Variants in DISP1 observed in about 807,000 individuals in gnomAD.
DISP1 encodes the protein protein dispatched homolog 1.
DISP1 carries 30 observed loss-of-function variants against 37.3 expected under a neutral mutation model. That is an observed-to-expected ratio of 0.80 (90% CI 0.60 to 1.09). DISP1 has a LOEUF of 1.09. Ranked by LOEUF, DISP1 falls within the 50% of genes least tolerant of loss-of-function variation. The pLI, the probability that DISP1 is intolerant of heterozygous loss-of-function variation, is 0.00. For missense variants in DISP1, 1,598 were observed against 1,879.5 expected (o/e 0.85, Z 2.77); for synonymous variants, 634 against 690.2 (o/e 0.92, Z 1.28).
intron 1 of DISP1, among the ~76,000 whole-genome samples, chr1:222,863,801 G>A (rs1011158965): frequency 6.6e-6 from 1 of 152,128 alleles, no homozygotes; most frequent in Non-Finnish European, 1.5e-5. Flanking sequence ...TTTGGTCAGT[G>A]GGAGTCCCTG....
intron 1 of DISP1, among the ~76,000 whole-genome samples, chr1:222,896,257 A>G (rs1254330561): frequency 1.3e-5 from 2 of 151,988 alleles, no homozygotes; most frequent in African/African-American, 2.4e-5. Flanking sequence ...GCAGTGAGCC[A>G]TGATCCTGCC....
intron 1 of DISP1, chr1:222,836,806 G>A: frequency 3.4e-6 from 1 of 295,498 alleles, no homozygotes; most frequent in Non-Finnish European, 6.2e-6. Flanking sequence ...GCATGATTTA[G>A]TGTGGAGACA....
chr1:222,849,941 T>C (rs545759899), intron 1 of DISP1, among the ~76,000 whole-genome samples: 11 of 152,098 alleles, frequency 7.2e-5, no homozygotes, highest in Non-Finnish European at 1.6e-4. Context: ...CCTTTTAGAG[T>C]GTTAGAAAGA....
intron 1 of DISP1, among the ~76,000 whole-genome samples, chr1:222,900,482 G>A (rs1671518409): frequency 6.6e-6 from 1 of 152,030 alleles, no homozygotes; most frequent in African/African-American, 2.4e-5. Context: ...CTTAATTTGT[G>A]GATTTTCAGT....
At chr1:222,919,453 C>G (rs1408297423) in intron 1 of DISP1, among the ~76,000 whole-genome samples, 1 of 152,140 alleles carries the variant, frequency 6.6e-6, no homozygotes, top group Non-Finnish European at 1.5e-5. Flanking sequence ...CTCTGTCTAC[C>G]CAGTAAATAT....
At chr1:222,979,513 T>C (rs887459910) in intron 3 of DISP1, 3 of 413,426 alleles carry the variant, frequency 7.3e-6, no homozygotes, top group African/African-American at 4.1e-5. Flanking sequence ...GTACACTTAA[T>C]TGGGTGAATT....
chr1:222,973,634 A>G (rs1257497039), intron 3 of DISP1, among the ~76,000 whole-genome samples: 1 of 152,232 alleles, frequency 6.6e-6, no homozygotes, highest in East Asian at 1.9e-4. Flanking sequence ...GAACATTAAG[A>G]TTAAGGTTGC....
chr1:222,887,486 G>GTTTTTTTTTTTTTTTTTTTT (rs940346379), intron 1 of DISP1, among the ~76,000 whole-genome samples: 14 of 83,102 alleles, frequency 1.7e-4, no homozygotes, highest in Non-Finnish European at 2.3e-4. Context: ...CATTGTTTTT[G>GTTTTTTTTTTTTTTTTTTTT]TTTTTTTTTT....
At chr1:222,991,973 C>G in intron 6 of DISP1, 40 bp from the exon 7 acceptor site, 5 of 1,497,956 alleles carry the variant, frequency 3.3e-6, no homozygotes, top group Non-Finnish European at 4.6e-6. Context: ...TTTGAAATAA[C>G]GAGAACTTTA....
At position 222,938,733 on chromosome 1, in the gene DISP1, TAAAAAAAAAAA is replaced by T. The variant is rs33948431; in HGVS notation, c.-17-4055_-17-4045del. On this transcript the variant is annotated intron_variant, in intron 2 of 8. Coordinates refer to ENST00000675850, the MANE Select transcript of DISP1 (RefSeq NM_001377229.1). ...GGGTGACAGAGCAAGACCCTGTCTT[TAAAAAAAAAAA>T]AAAAAAAAAAAAAAAAAAGGAAGGA... 7.7e-3 allele frequency among the ~76,000 whole-genome samples: 443 copies of T among 57,626 alleles called. 3 individuals are homozygous for T. The highest frequency in any genetic ancestry group is 0.031 in the African/African-American group (423 of 13,846). The allele number at this position is 57,626 out of a possible 152,430, so 37.8% of individuals were successfully genotyped here.
At chr1:222,849,284 C>T (rs553203197) in intron 1 of DISP1, among the ~76,000 whole-genome samples, 1 of 152,302 alleles carries the variant, frequency 6.6e-6, no homozygotes, top group Admixed American at 6.5e-5. Flanking sequence ...AAGAGAAACA[C>T]ATCGTCAAGG....
intron 1 of DISP1, among the ~76,000 whole-genome samples, chr1:222,833,990 C>T (rs1294040952): frequency 8.5e-5 from 13 of 152,100 alleles, no homozygotes; most frequent in Non-Finnish European, 4.4e-5. Flanking sequence ...GTCCTTGGTA[C>T]ATGGTGAGTC....
chr1:222,881,232 G>A (rs923217978), intron 1 of DISP1, among the ~76,000 whole-genome samples: 12 of 151,700 alleles, frequency 7.9e-5, no homozygotes, highest in African/African-American at 2.9e-4. Flanking sequence ...TTTTGCTCTT[G>A]TTGCCCAGGC....
chr1:222,835,590 T>G (rs1175222597), intron 1 of DISP1, among the ~76,000 whole-genome samples: 7 of 152,208 alleles, frequency 4.6e-5, no homozygotes, highest in African/African-American at 1.7e-4. Flanking sequence ...AGGAAAGAGA[T>G]AAGCTGGAAA....
At chr1:222,903,438 T>TA (rs1671723654) in intron 1 of DISP1, among the ~76,000 whole-genome samples, 1 of 146,166 alleles carries the variant, frequency 6.8e-6, no homozygotes, top group East Asian at 2.0e-4. Context: ...CCCTAAAACT[T>TA]AAAGTATAAT....
chr1:222,843,820 C>A (rs1667742938), intron 1 of DISP1, among the ~76,000 whole-genome samples: 1 of 151,928 alleles, frequency 6.6e-6, no homozygotes, highest in Non-Finnish European at 1.5e-5. Flanking sequence ...TTGGGGAGGC[C>A]CCAAACAGAT....
chr1:222,846,406 G>A (rs568782169), intron 1 of DISP1, among the ~76,000 whole-genome samples: 9 of 152,162 alleles, frequency 5.9e-5, no homozygotes, highest in African/African-American at 1.9e-4. Flanking sequence ...CAGGAGAATC[G>A]CTTGAACCCG....
chr1:222,820,807 C>T (rs1662673524), intron 1 of DISP1, among the ~76,000 whole-genome samples: 1 of 152,100 alleles, frequency 6.6e-6, no homozygotes, highest in East Asian at 1.9e-4. Flanking sequence ...TAATGCCTGC[C>T]ACATAGTACT....
At chr1:222,849,231 G>A (rs773632135) in intron 1 of DISP1, among the ~76,000 whole-genome samples, 46 of 151,996 alleles carry the variant, frequency 3.0e-4, no homozygotes, top group South Asian at 6.2e-4. Flanking sequence ...TTCTCTATTT[G>A]TTCCACACCT....
Sources: allele counts gnomAD v4.1 joint callset (sites outside exome capture counted in the v4.1 genomes callset), GRCh38; gene constraint gnomAD v4.1.1; transcripts MANE v1.5; gene names NCBI Gene and HGNC (gene_info 2026-07-23, HGNC 2026-07-21).